LIPA: variants seen among roughly 807,000 people sequenced by gnomAD.
LIPA encodes the protein lipase A, lysosomal acid type.
LIPA carries 26 observed loss-of-function variants against 40.6 expected under a neutral mutation model. The ratio of observed to expected loss-of-function variants is 0.64; its 90% confidence interval spans 0.47 to 0.89. The LOEUF (loss-of-function observed/expected upper bound fraction) is 0.89. LIPA is among the 40% of genes least tolerant of loss of function. The pLI is 0.00. For missense variants in LIPA, 455 were observed against 479.6 expected, an observed-to-expected ratio of 0.95 and a Z score of 0.48; for synonymous variants, 188 against 168.4, an observed-to-expected ratio of 1.12 and a Z score of -0.90.
chr10:89,316,533 T>C (rs773736694), intron 1 of LIPA, among the ~76,000 whole-genome samples: 9 of 152,200 alleles, frequency 5.9e-5, no homozygotes, highest in Non-Finnish European at 1.3e-4. Context: ...GCGCCCACCA[T>C]TGCTGAGGCT....
intron 1 of LIPA, among the ~76,000 whole-genome samples, chr10:89,341,183 C>G (rs1463981755): frequency 6.6e-6 from 1 of 152,170 alleles, no homozygotes; most frequent in African/African-American, 2.4e-5. Flanking sequence ...GCCTAGGAGC[C>G]CCAACTAAGC....
chr10:89,250,023 G>T (rs569912034), intron 1 of LIPA, among the ~76,000 whole-genome samples: 17 of 151,568 alleles, frequency 1.1e-4, no homozygotes, highest in African/African-American at 4.1e-4. Context: ...AATTCCTCCT[G>T]GGATTATTTT....
intron 3 of LIPA, among the ~76,000 whole-genome samples, chr10:89,233,967 C>T (rs1356013176): frequency 6.6e-6 from 1 of 152,176 alleles, no homozygotes; most frequent in Admixed American, 6.5e-5. Flanking sequence ...ACCCACACTC[C>T]CTCCCACAGG....
Position 89,311,014 on chromosome 10 carries a change from T to C in LIPA, c.-2+31597A>G, listed in dbSNP as rs1001770559. On this transcript the variant is annotated intron_variant, in intron 1 of 5. Coordinates refer to the LIPA transcript ENST00000282673. ...AGATCTGGAAATTGGCCCCAGTGTG[T>C]TTATACAGATATAATCTAATTAAAA... Among the ~76,000 whole-genome samples the C allele has an allele frequency of 4.7e-4, 71 of 152,356 alleles. 1 individual carries two copies. The highest frequency in any genetic ancestry group is 5.9e-4 in the Admixed American group (9 of 15,308).
At chr10:89,215,248 T>G (rs1842609861) in intron 9 of LIPA, among the ~76,000 whole-genome samples, 187 bp from the exon 10 acceptor site, 1 of 152,198 alleles carries the variant, frequency 6.6e-6, no homozygotes, top group Non-Finnish European at 1.5e-5. Context: ...TAACCCCAAA[T>G]GAGAGAATGC....
intron 1 of LIPA, among the ~76,000 whole-genome samples, chr10:89,324,852 AC>A (rs1843314828): frequency 6.6e-6 from 1 of 152,226 alleles, no homozygotes; most frequent in Non-Finnish European, 1.5e-5. Context: ...TGCAAAGGAC[AC>A]AACTCATCCT....
At chr10:89,287,666 C>T (rs546385951) in intron 1 of LIPA, among the ~76,000 whole-genome samples, 1 of 152,298 alleles carries the variant, frequency 6.6e-6, no homozygotes, top group South Asian at 2.1e-4. Flanking sequence ...ATCACCCTTA[C>T]ACCACTCAAT....
At chr10:89,306,095 CGTGA>C (rs751200520) in intron 1 of LIPA, 4 of 1,614,068 alleles carry the variant, frequency 2.5e-6, no homozygotes, top group Non-Finnish European at 1.7e-6. Flanking sequence ...GTTTCAGAAT[CGTGA>C]ATTCAAAGCC....
Position 89,247,637 on chromosome 10 carries a change from C to G in LIPA, c.12G>C (p.Arg4=). The G allele has an allele frequency of 6.2e-7, 1 of 1,608,612 alleles. No homozygotes were observed. Among genetic ancestry groups the G allele is most frequent in the Non-Finnish European group, 8.5e-7 (1 of 1,175,188 alleles). The part of the protein sequence containing the change: MKM[R]FLGLVVCLVL... Reference sequence around the variant, plus strand: ...CCAAACAGACCACCAACCCCAAGAACCGCATTTTCATTCTGTATAATAAAA... The same window carrying G: ...CCAAACAGACCACCAACCCCAAGAAGCGCATTTTCATTCTGTATAATAAAA... The change falls in exon 2 of 10, where the codon CGG becomes CGC. Residue 4 remains arginine, a synonymous_variant. Transcript: ENST00000336233.
rs528999193 is a variant in LIPA at position 89,299,483 on chromosome 10, AT to A, written c.-2+43127del. Among the ~76,000 whole-genome samples, 46 of 152,324 alleles carry A rather than the reference AT, an allele frequency of 3.0e-4. No homozygotes were observed. The South Asian group carries it at 9.1e-3, about 30-fold the overall frequency. On this transcript the variant is annotated intron_variant, in intron 1 of 5. Coordinates refer to the LIPA transcript ENST00000282673. ...CCCAAGTCTAGTAAGAGATTTAGACATCCAGATACAGGAGGCCCAGCAATCC... is the reference window on the plus strand; with the variant it reads ...CCCAAGTCTAGTAAGAGATTTAGACACCAGATACAGGAGGCCCAGCAATCC...
At chr10:89,330,459 A>T (rs560557527) in intron 1 of LIPA, among the ~76,000 whole-genome samples, 2 of 152,152 alleles carry the variant, frequency 1.3e-5, no homozygotes, top group Non-Finnish European at 2.9e-5. Flanking sequence ...CACTTTAGAG[A>T]GGGGGCCAGG....
At chr10:89,396,096 C>A (rs1312628652) in intron 2 of LIPA, among the ~76,000 whole-genome samples, 1 of 152,004 alleles carries the variant, frequency 6.6e-6, no homozygotes, top group Non-Finnish European at 1.5e-5. Flanking sequence ...AGTATATATC[C>A]AGATGTGGAA....
intron 2 of LIPA, chr10:89,412,683 C>T (rs955848567): frequency 4.9e-6 from 2 of 404,520 alleles, no homozygotes; most frequent in Non-Finnish European, 9.7e-6. Flanking sequence ...AAACCACGAA[C>T]CCACCGGGAG....
Position 89,222,559 on chromosome 10 carries a change from T to G in LIPA, c.846A>C (p.Thr282=), listed in dbSNP as rs534838107. The G allele has an allele frequency of 6.2e-7, 1 of 1,607,418 alleles. No homozygotes were observed. Among genetic ancestry groups the G allele is most frequent in the South Asian group, 1.1e-5 (1 of 90,972 alleles). Residue 282 remains threonine, a synonymous_variant, in exon 8 of 10, where the codon ACA becomes ACC. Coordinates refer to ENST00000336233, the MANE Select transcript of LIPA (RefSeq NM_000235.4). ...GCACAGAAGTTCCAGCAGGAGAATGTGTTGTATATACATCCACTCTAGACT... is the reference window on the plus strand; with the variant it reads ...GCACAGAAGTTCCAGCAGGAGAATGGGTTGTATATACATCCACTCTAGACT... ...LNMSRVDVYT[T]HSPAGTSVQN...
At chr10:89,258,297 C>A (rs1162629411) in intron 1 of LIPA, among the ~76,000 whole-genome samples, 4 of 152,000 alleles carry the variant, frequency 2.6e-5, no homozygotes, top group Non-Finnish European at 4.4e-5. Context: ...GGACCATACA[C>A]ATACATTTGA....
chr10:89,299,808 A>G (rs1843435036), intron 1 of LIPA, among the ~76,000 whole-genome samples: 1 of 152,186 alleles, frequency 6.6e-6, no homozygotes, highest in Non-Finnish European at 1.5e-5. Context: ...ACTCTTATAC[A>G]CTGTTGGTAG....
chr10:89,363,987 C>G (rs531807701), intron 2 of LIPA, among the ~76,000 whole-genome samples: 1 of 152,246 alleles, frequency 6.6e-6, no homozygotes, highest in African/African-American at 2.4e-5. Flanking sequence ...TATGAGACAG[C>G]CTGAGACGGG....
At chr10:89,360,846 TCA>T (rs1016021834) in intron 2 of LIPA, among the ~76,000 whole-genome samples, 1 of 152,184 alleles carries the variant, frequency 6.6e-6, no homozygotes, top group African/African-American at 2.4e-5. Context: ...TTGTTCTCTC[TCA>T]GTTTTGGAGC....
chr10:89,216,633 T>C (rs761445576), intron 8 of LIPA, among the ~76,000 whole-genome samples: 6 of 152,280 alleles, frequency 3.9e-5, no homozygotes, highest in African/African-American at 9.6e-5. Context: ...AGCGTTTACA[T>C]TGTATTAAGC....
Sources: gnomAD v4.1 joint callset for allele counts (sites outside exome capture counted in the v4.1 genomes callset) on GRCh38, gnomAD v4.1.1 for gene constraint, MANE v1.5 for transcripts, NCBI Gene and HGNC (gene_info 2026-07-23, HGNC 2026-07-21) for gene names.